The following CPED1 variants were observed in gnomAD, a reference collection of about 807,000 sequenced individuals.
CPED1 encodes the protein cadherin like and PC-esterase domain containing 1, also known as cadherin-like and PC-esterase domain-containing protein 1.
A neutral mutation model predicts 128.2 loss-of-function variants in CPED1; 114 were observed. The ratio of observed to expected loss-of-function variants is 0.89; its 90% CI spans 0.76 to 1.04. The LOEUF (loss-of-function observed/expected upper bound fraction) is 1.04. Ranked by LOEUF, CPED1 falls within the 50% of genes least tolerant of loss-of-function variation. The pLI is 0.00. For missense variants in CPED1, 1,211 were observed against 1,207.1 expected (o/e 1.00, Z -0.05); for synonymous variants, 462 against 426.7 (o/e 1.08, Z -1.02).
chr7:121,160,748 A>G (rs1469562279), intron 16 of CPED1, among the ~76,000 whole-genome samples: 1 of 152,112 alleles, frequency 6.6e-6, no homozygotes, highest in African/African-American at 2.4e-5. Context: ...CAGTCCCCAG[A>G]GTTAAAGCTG....
rs187104245 is a variant in CPED1 at position 121,215,252 on chromosome 7, C to T, written c.2056-21462C>T. On this transcript the variant is annotated intron_variant, in intron 16 of 22. Transcript: ENST00000310396. ...GTGTCAGTTGCACTCATATTTCTAT[C>T]TGTTAATGCAATAAACATGTAATAA... 7.4e-4 allele frequency among the ~76,000 whole-genome samples: 113 copies of T among 152,130 alleles called. No individual in the cohort carries two copies. The Middle Eastern group carries it at 0.014, about 18-fold the overall frequency.
At chr7:121,123,768 C>G (rs1291301947) in intron 7 of CPED1, among the ~76,000 whole-genome samples, 1 of 152,138 alleles carries the variant, frequency 6.6e-6, no homozygotes, top group Non-Finnish European at 1.5e-5. Context: ...TCAGAGTCTT[C>G]TCTGGTTGGC....
intron 5 of CPED1, among the ~76,000 whole-genome samples, chr7:121,089,342 A>G (rs1794522324): frequency 6.6e-6 from 1 of 152,150 alleles, no homozygotes; most frequent in African/African-American, 2.4e-5. Flanking sequence ...TGGTTCACAT[A>G]TGTTTACTTT....
chr7:121,281,610 A>G (rs1792463649), intron 22 of CPED1, among the ~76,000 whole-genome samples: 1 of 152,176 alleles, frequency 6.6e-6, no homozygotes, highest in African/African-American at 2.4e-5. Flanking sequence ...CAGAATTTCA[A>G]TTCTTGCTAC....
intron 4 of CPED1, among the ~76,000 whole-genome samples, chr7:121,054,369 A>T (rs772636215): frequency 2.6e-5 from 4 of 152,204 alleles, no homozygotes; most frequent in Non-Finnish European, 5.9e-5. Flanking sequence ...TCTCATTTAC[A>T]TCATATTTCC....
At chr7:121,089,760 TA>T (rs1366396156) in intron 5 of CPED1, among the ~76,000 whole-genome samples, 1 of 152,224 alleles carries the variant, frequency 6.6e-6, no homozygotes, top group Non-Finnish European at 1.5e-5. Flanking sequence ...CTCTATGTGT[TA>T]ATATTTTTTG....
At chr7:121,047,729 G>C (rs1585038588) in intron 4 of CPED1, among the ~76,000 whole-genome samples, 1 of 95,420 alleles carries the variant, frequency 1.0e-5, no homozygotes, top group African/African-American at 5.3e-5. Context: ...TTTTTTTTTT[G>C]AGACGTAATC....
At chr7:121,248,331 T>C (rs1241858044) in intron 18 of CPED1, among the ~76,000 whole-genome samples, 1 of 152,052 alleles carries the variant, frequency 6.6e-6, no homozygotes, top group African/African-American at 2.4e-5. Flanking sequence ...GCCCCACAGC[T>C]TGGATCACCT....
chr7:121,111,791 A>G (rs1381498691), intron 7 of CPED1, among the ~76,000 whole-genome samples: 2 of 152,200 alleles, frequency 1.3e-5, no homozygotes, highest in Non-Finnish European at 2.9e-5. Context: ...CTCCATTTCA[A>G]AAAGAGGAGA....
At position 121,226,783 on chromosome 7, in the gene CPED1, T is replaced by C. The variant is rs546318220; in HGVS notation, c.2056-9931T>C. On this transcript the variant is annotated intron_variant, in intron 16 of 22. Transcript: ENST00000310396. Reference sequence around the variant, plus strand: ...TATCTCAAGGGTGACTTTAGATAGATTATCATTAATTATTTATTGCTAATG... The same window carrying C: ...TATCTCAAGGGTGACTTTAGATAGACTATCATTAATTATTTATTGCTAATG... 2.0e-5 allele frequency among the ~76,000 whole-genome samples: 3 copies of C among 152,232 alleles called. No homozygotes were observed. In the East Asian group the frequency reaches 5.8e-4, roughly 29 times the overall value.
chr7:121,066,623 A>G (rs1029118554), intron 5 of CPED1, among the ~76,000 whole-genome samples: 89 of 151,968 alleles, frequency 5.9e-4, no homozygotes, highest in Non-Finnish European at 1.1e-3. Flanking sequence ...ACCCCCTCTC[A>G]CAAGCTTACA....
At chr7:120,993,296 G>C (rs985989427) in intron 2 of CPED1, among the ~76,000 whole-genome samples, 5 of 152,122 alleles carry the variant, frequency 3.3e-5, no homozygotes, top group African/African-American at 4.8e-5. Context: ...CTTAATATAT[G>C]CTTCTTTAAT....
At chr7:121,272,463 T>G (rs1240816393) in intron 22 of CPED1, among the ~76,000 whole-genome samples, 1 of 152,054 alleles carries the variant, frequency 6.6e-6, no homozygotes, top group Non-Finnish European at 1.5e-5. Flanking sequence ...CCAACTTCCT[T>G]GATGGCGGTA....
rs141533952 is a variant in CPED1 at position 121,141,708 on chromosome 7, C to A, written c.1887-265C>A. On this transcript the variant is annotated intron_variant, in intron 15 of 22. Coordinates refer to ENST00000310396, the MANE Select transcript of CPED1 (RefSeq NM_024913.5). The stretch of plus-strand genomic sequence containing the variant: ...TGTATTAAATGAGATAATGTGTGAC[C>A]CTGGCAGGTGGTTAATAAATATTAG... 6.7e-3 allele frequency among the ~76,000 whole-genome samples: 1,019 copies of A among 151,944 alleles called. 11 individuals are homozygous for A. Among genetic ancestry groups the A allele is most frequent in the African/African-American group, 0.023 (945 of 41,454 alleles).
intron 16 of CPED1, among the ~76,000 whole-genome samples, chr7:121,185,338 A>G (rs1192198441): frequency 6.6e-6 from 1 of 152,202 alleles, no homozygotes; most frequent in African/African-American, 2.4e-5. Context: ...ATATACCTAT[A>G]TATTTCATAA....
At chr7:121,271,254 A>C (rs769834972) in intron 21 of CPED1, 30 bp from the exon 22 acceptor site, 67 of 1,574,388 alleles carry the variant, frequency 4.3e-5, no homozygotes, top group Non-Finnish European at 5.6e-5. Flanking sequence ...TCTGGTAATA[A>C]AAATTCTCAT....
chr7:121,058,865 T>C (rs578041418), intron 4 of CPED1, among the ~76,000 whole-genome samples: 219 of 152,308 alleles, frequency 1.4e-3, no homozygotes, highest in Non-Finnish European at 2.5e-3. Flanking sequence ...TTGGAGATGT[T>C]GTAGAATTGT....
intron 16 of CPED1, among the ~76,000 whole-genome samples, chr7:121,144,948 A>G (rs1795989160): frequency 6.6e-6 from 1 of 152,028 alleles, no homozygotes; most frequent in Non-Finnish European, 1.5e-5. Flanking sequence ...AATAGCAGTT[A>G]CTAGAAGGTG....
At chr7:121,047,715 C>CT (rs530980600) in intron 4 of CPED1, among the ~76,000 whole-genome samples, 28 of 76,020 alleles carry the variant, frequency 3.7e-4, no homozygotes, top group African/African-American at 1.3e-3. Context: ...TCTTCTTCTT[C>CT]TTTTTTTTTT....
Sources: gnomAD v4.1 joint callset for allele counts (sites outside exome capture counted in the v4.1 genomes callset) on GRCh38, gnomAD v4.1.1 for gene constraint, MANE v1.5 for transcripts, NCBI Gene and HGNC (gene_info 2026-07-23, HGNC 2026-07-21) for gene names.